Variants in ZFYVE28 observed in about 807,000 individuals in gnomAD.
ZFYVE28 encodes the protein lateral signaling target protein 2 homolog.
Under a neutral mutation model 82.1 loss-of-function variants are expected in ZFYVE28, and 40 were observed. The ratio of observed to expected loss-of-function variants is 0.49; its 90% CI spans 0.38 to 0.63. The LOEUF is 0.63. Among genes scored for constraint, ZFYVE28 ranks in the 30% least tolerant of loss-of-function variants. ZFYVE28 has a pLI of 0.00. For missense variants in ZFYVE28, 1,321 were observed against 1,242.1 expected (o/e 1.06, Z -0.96); for synonymous variants, 612 against 546.1 (o/e 1.12, Z -1.68).
chr4:2,304,190 G>A, intron 8 of ZFYVE28, 99 bp downstream of exon 8: 2 of 1,442,334 alleles, frequency 1.4e-6, no homozygotes, highest in African/African-American at 1.4e-5. Context: ...TGGCCAAGAT[G>A]GCTCAGGTAG....
chr4:2,364,535 A>G (rs1034397), intron 1 of ZFYVE28: 493,774 of 985,358 alleles, frequency 0.5, 124,332 homozygotes, highest in East Asian at 0.59. Flanking sequence ...GCCCAGACGC[A>G]ACAGGAGCCA....
At chr4:2,296,127 T>C (rs1714536577) in intron 8 of ZFYVE28, among the ~76,000 whole-genome samples, 3 of 152,174 alleles carry the variant, frequency 2.0e-5, no homozygotes, top group Admixed American at 2.0e-4. Context: ...ACAGCCAGGC[T>C]GGGGCCTTCT....
chr4:2,298,832 T>C (rs1715051041), intron 8 of ZFYVE28, among the ~76,000 whole-genome samples: 1 of 152,118 alleles, frequency 6.6e-6, no homozygotes, highest in Non-Finnish European at 1.5e-5. Flanking sequence ...TCAGTCCCAC[T>C]CTGATGCACA....
chr4:2,292,116 A>G (rs1411361023), intron 8 of ZFYVE28, among the ~76,000 whole-genome samples: 1 of 152,160 alleles, frequency 6.6e-6, no homozygotes, highest in Non-Finnish European at 1.5e-5. Context: ...CTGGGAGGAC[A>G]CCATGCTGCA....
At position 2,270,456 on chromosome 4, in the gene ZFYVE28, G is replaced by A. The variant is rs1349617034; in HGVS notation, c.*269C>T. 9 of 510,948 alleles carry A rather than the reference G, an allele frequency of 1.8e-5. No individual in the cohort carries two copies. Among genetic ancestry groups the A allele is most frequent in the Non-Finnish European group, 2.5e-5 (7 of 281,992 alleles). The allele number at this position is 510,948 out of a possible 1,614,324, so 31.7% of individuals were successfully genotyped here. ...CAGTGGGAGGGCCCAGGCCTTCTCC[G>A]CCAGGCACCCTGCCCTGAGGCAGCC... is the stretch of plus-strand genomic sequence containing the variant. On this transcript the variant is annotated 3_prime_UTR_variant, in exon 13 of 13. Coordinates refer to ENST00000290974, the MANE Select transcript of ZFYVE28 (RefSeq NM_020972.3).
Position 2,305,396 on chromosome 4 carries a change from G to T in ZFYVE28, c.944C>A (p.Pro315His), listed in dbSNP as rs1299639714. 1.9e-6 allele frequency: 3 copies of T among 1,612,790 alleles called. No individual in the cohort carries two copies. The South Asian group carries it at 3.3e-5, about 18-fold the overall frequency. The change falls in exon 8 of 13, where the codon CCC becomes CAC. Residue 315 changes from proline to histidine, a missense_variant. Pro to His is a moderately conservative substitution (Grantham distance 77, BLOSUM62 -2). Transcript: ENST00000290974. ...CTTAGCTGAGAGTGGCCCCTCAGGG[G>T]GGAGAGGGGCAGAGAGGGCAGGCGC... ...ALAPALSAPL[P>H]PEGPLSAKAK...
rs1720872349 is a variant in ZFYVE28, at chr4:2,332,519, C to T, written c.701+3186G>A. On this transcript the variant is annotated intron_variant, in intron 6 of 12. Transcript: ENST00000290974. The surrounding 1 kb of genome is among the most constrained non-coding windows in gnomAD (Gnocchi z 4.7). ...TGAGTCCCCCTTCCAGCATCCAGAA[C>T]ATTCCACAGCACTGTGGGTCAGCCC... Among the ~76,000 whole-genome samples the T allele has an allele frequency of 6.6e-6, 1 of 152,198 alleles. No homozygotes were observed. The highest frequency in any genetic ancestry group is 1.5e-5 in the Non-Finnish European group (1 of 68,030).
Position 2,394,115 on chromosome 4 carries a change from A to G in ZFYVE28, c.39+24170T>C, listed in dbSNP as rs1730135209. ...CGTCTACAGCCTTCTTCCCAGGCCC[A>G]GCTCCTCTGACTCTCCTGCCCCCTT... On this transcript the variant is annotated intron_variant, in intron 1 of 12. Coordinates refer to ENST00000290974, the MANE Select transcript of ZFYVE28 (RefSeq NM_020972.3). The surrounding 1 kb of genome is among the most constrained non-coding windows in gnomAD (Gnocchi z 4.0). Among the ~76,000 whole-genome samples the G allele has an allele frequency of 6.6e-6, 1 of 152,122 alleles. No homozygotes were observed. Among genetic ancestry groups the G allele is most frequent in the Non-Finnish European group, 1.5e-5 (1 of 68,010 alleles).
At chr4:2,324,244 ATT>A (rs1719539895) in intron 6 of ZFYVE28, among the ~76,000 whole-genome samples, 2 of 152,162 alleles carry the variant, frequency 1.3e-5, no homozygotes, top group African/African-American at 2.4e-5. Context: ...ATCTCAGTCT[ATT>A]TCTCTCAGGG....
chr4:2,347,363 CAG>C (rs1354327773), intron 2 of ZFYVE28, among the ~76,000 whole-genome samples: 6 of 152,102 alleles, frequency 3.9e-5, no homozygotes, highest in Non-Finnish European at 5.9e-5. Flanking sequence ...AGAAAGTAAA[CAG>C]AAAATCAGCA....
rs1419085039 is a variant in ZFYVE28, at chr4:2,284,822, C to A, written c.2052-10606G>T. On this transcript the variant is annotated intron_variant, in intron 8 of 12. Transcript: ENST00000290974. Reference sequence around the variant, plus strand: ...CTGCCAAAGTCGTACCAGCTCAGCTCAGGCCACAGCGGAAACCAACAGCAG... The same window carrying A: ...CTGCCAAAGTCGTACCAGCTCAGCTAAGGCCACAGCGGAAACCAACAGCAG... 3.3e-5 allele frequency among the ~76,000 whole-genome samples: 5 copies of A among 152,206 alleles called. No individual in the cohort carries two copies. In the East Asian group the frequency reaches 9.6e-4, roughly 29 times the overall value.
At chr4:2,351,740 G>A (rs3135133) in intron 2 of ZFYVE28, among the ~76,000 whole-genome samples, 34,556 of 152,016 alleles carry the variant, frequency 0.23, 4,224 homozygotes, top group Middle Eastern at 0.33. Flanking sequence ...ACAAGACGGC[G>A]CCCCTTCAGA....
intron 1 of ZFYVE28, among the ~76,000 whole-genome samples, chr4:2,389,482 A>AC (rs765329121): frequency 6.6e-6 from 1 of 152,184 alleles, no homozygotes; most frequent in Non-Finnish European, 1.5e-5. Context: ...CTATGGCCCA[A>AC]CTCAAGGCCA....
At chr4:2,303,901 C>T (rs775478223) in intron 8 of ZFYVE28, among the ~76,000 whole-genome samples, 2 of 152,232 alleles carry the variant, frequency 1.3e-5, no homozygotes, top group Non-Finnish European at 2.9e-5. Context: ...GGGCAAGGGG[C>T]CCGGCGCTGG....
At chr4:2,337,525 G>C (rs979647897) in intron 4 of ZFYVE28, 29 bp from the exon 5 acceptor site, 7 of 1,566,536 alleles carry the variant, frequency 4.5e-6, no homozygotes, top group Non-Finnish European at 6.1e-6. Flanking sequence ...CTGTGAGGCC[G>C]CACCTGGGCT....
At chr4:2,402,327 C>T (rs922170207) in intron 1 of ZFYVE28, among the ~76,000 whole-genome samples, 8 of 152,180 alleles carry the variant, frequency 5.3e-5, no homozygotes, top group East Asian at 1.9e-4. Context: ...CCAGGCAAGC[C>T]GGCACCGCCC....
chr4:2,320,143 C>T lies in ZFYVE28; in HGVS notation c.803+27G>A. The T allele has an allele frequency of 6.3e-7, 1 of 1,578,230 alleles. No homozygotes were observed. Among genetic ancestry groups the T allele is most frequent in the Non-Finnish European group, 8.7e-7 (1 of 1,147,872 alleles). ...GTGGCCCTCCTGTCCCCCTCCCCTCCCCCACCTCCTCTAGCTCCATCCCCA... is the reference window on the plus strand; with the variant it reads ...GTGGCCCTCCTGTCCCCCTCCCCTCTCCCACCTCCTCTAGCTCCATCCCCA... On this transcript the variant is annotated intron_variant, in intron 7 of 12. Coordinates refer to ENST00000290974, the MANE Select transcript of ZFYVE28 (RefSeq NM_020972.3). This position sits in a 1 kb window ranked among gnomAD's most constrained non-coding sequence, Gnocchi z 5.1.
chr4:2,288,530 C>T (rs532319281), intron 8 of ZFYVE28, among the ~76,000 whole-genome samples: 18 of 152,220 alleles, frequency 1.2e-4, no homozygotes, highest in Non-Finnish European at 2.4e-4. Context: ...GGCTGCTGCT[C>T]CAAGGGGAGG....
chr4:2,339,313 C>T lies in ZFYVE28; in HGVS notation c.521+140G>A. The T allele has an allele frequency of 1.1e-6, 1 of 918,012 alleles. No individual in the cohort carries two copies. 56.9% of individuals were successfully genotyped at this position (918,012 alleles called of 1,614,324 possible). A position where few individuals can be genotyped will look rare whatever the true frequency, so the allele number is the denominator to read the frequency against. On this transcript the variant is annotated intron_variant, in intron 4 of 12. Coordinates refer to ENST00000290974, the MANE Select transcript of ZFYVE28 (RefSeq NM_020972.3). The surrounding 1 kb of genome is among the most constrained non-coding windows in gnomAD (Gnocchi z 5.0). ...CGCTATGCTCTCCAGGGCTTAACCC[C>T]ACCCACAGGCGGCCCTGAACCTGCC...
Sources: gnomAD v4.1 joint callset for allele counts (sites outside exome capture counted in the v4.1 genomes callset) on GRCh38, gnomAD v4.1.1 for gene constraint, Gnocchi (gnomAD v3.1) non-coding constraint, MANE v1.5 for transcripts, NCBI Gene and HGNC (gene_info 2026-07-23, HGNC 2026-07-21) for gene names.